CNTN6: variants seen among roughly 807,000 people sequenced by gnomAD.
CNTN6 encodes the protein contactin 6, also known as contactin-6.
A neutral mutation model predicts 122.8 loss-of-function variants in CNTN6; 137 were observed. That is an observed-to-expected ratio of 1.12 (90% CI 0.97 to 1.29). The LOEUF (loss-of-function observed/expected upper bound fraction) is 1.29. CNTN6 is among the 50% of genes most tolerant of loss of function. The pLI is 0.00. For synonymous variants in CNTN6, 570 were observed against 426.0 expected (o/e 1.34, Z -4.16); for missense variants, 1,634 against 1,223.4 (o/e 1.34, Z -5.01).
At chr3:1,364,790 G>A (rs930818165) in intron 12 of CNTN6, among the ~76,000 whole-genome samples, 2 of 151,960 alleles carry the variant, frequency 1.3e-5, no homozygotes, top group African/African-American at 4.8e-5. Context: ...ATTATGAAAT[G>A]TGAATTTCAG....
At chr3:1,264,172 A>C (rs2094890920) in intron 4 of CNTN6, among the ~76,000 whole-genome samples, 1 of 152,140 alleles carries the variant, frequency 6.6e-6, no homozygotes, top group African/African-American at 2.4e-5. Context: ...GGGTTGACTG[A>C]TCATTAATCA....
chr3:1,312,148 C>T (rs1699427814), intron 7 of CNTN6, among the ~76,000 whole-genome samples: 1 of 151,972 alleles, frequency 6.6e-6, no homozygotes, highest in African/African-American at 2.4e-5. Flanking sequence ...CAGGGACCTG[C>T]CCTAAAAGTT....
chr3:1,303,015 C>T (rs1241581069), intron 7 of CNTN6, among the ~76,000 whole-genome samples: 1 of 152,096 alleles, frequency 6.6e-6, no homozygotes, highest in Non-Finnish European at 1.5e-5. Context: ...TACTTCCCCC[C>T]TTAGCTATGT....
intron 7 of CNTN6, among the ~76,000 whole-genome samples, chr3:1,309,097 C>T (rs535569611): frequency 6.6e-6 from 1 of 152,060 alleles, no homozygotes; most frequent in African/African-American, 2.4e-5. Flanking sequence ...TTTGCATTTC[C>T]TTAACAATGT....
At chr3:1,296,096 TG>T (rs1269318621) in intron 6 of CNTN6, among the ~76,000 whole-genome samples, 1 of 152,160 alleles carries the variant, frequency 6.6e-6, no homozygotes, top group African/African-American at 2.4e-5. Flanking sequence ...TCCGGGGAGT[TG>T]GCGTGTGTGT....
At chr3:1,284,746 G>A (rs1021240152) in intron 5 of CNTN6, among the ~76,000 whole-genome samples, 1 of 152,160 alleles carries the variant, frequency 6.6e-6, no homozygotes, top group African/African-American at 2.4e-5. Flanking sequence ...GGTAAAAGAA[G>A]GTTTCACTGC....
chr3:1,387,918 C>A lies in CNTN6; in HGVS notation c.2704+2121C>A, dbSNP rs1038181450. Among the ~76,000 whole-genome samples, 57 of 152,236 alleles carry A rather than the reference C, an allele frequency of 3.7e-4. 1 individual carries two copies. The highest frequency in any genetic ancestry group is 3.4e-3 in the Middle Eastern group (1 of 294). On this transcript the variant is annotated intron_variant, in intron 20 of 22. Transcript: ENST00000446702. Reference sequence around the variant, plus strand: ...CCCGGCTCGGAGGGTCCTACGCCCACGGAATCTCGCTGATTGCTAGCACAG... The same window carrying A: ...CCCGGCTCGGAGGGTCCTACGCCCAAGGAATCTCGCTGATTGCTAGCACAG...
chr3:1,366,452 A>C (rs1187233722), intron 12 of CNTN6, among the ~76,000 whole-genome samples: 2 of 152,234 alleles, frequency 1.3e-5, no homozygotes, highest in Admixed American at 6.5e-5. Flanking sequence ...ACTCTTAGGA[A>C]GTGAGTAGAA....
rs953569354 is a variant in CNTN6 at position 1,384,171 on chromosome 3, T to C, written c.2517+763T>C. On this transcript the variant is annotated intron_variant, in intron 19 of 22. Transcript: ENST00000446702. ...ACTGTGCACACAGAGTCAACAATTA[T>C]GCATTGTACCCTTAAAATTTTTCAA... 4.6e-5 allele frequency among the ~76,000 whole-genome samples: 7 copies of C among 152,212 alleles called. No individual in the cohort carries two copies. In the East Asian group the frequency reaches 7.7e-4, roughly 17 times the overall value.
Position 1,096,045 on chromosome 3 carries a change from G to GT in CNTN6, c.-83+2926dup, listed in dbSNP as rs1691621465. 3.9e-5 allele frequency among the ~76,000 whole-genome samples: 6 copies of GT among 152,270 alleles called. No homozygotes were observed. The South Asian group carries it at 1.2e-3, about 32-fold the overall frequency. On this transcript the variant is annotated intron_variant, in intron 1 of 22. Coordinates refer to ENST00000446702, the MANE Select transcript of CNTN6 (RefSeq NM_001289080.2). ...TTCTATGAGTTTGCATCTTGAACAT[G>GT]TATTTCTTTTGCCTTAGACATGCAA...
At chr3:1,268,551 G>A (rs1447302131) in intron 4 of CNTN6, among the ~76,000 whole-genome samples, 1 of 143,796 alleles carries the variant, frequency 7.0e-6, no homozygotes, top group East Asian at 2.2e-4. Flanking sequence ...AGCTTGCAGT[G>A]AGCCGAGATT....
At chr3:1,094,105 G>A (rs2090389392) in intron 1 of CNTN6, among the ~76,000 whole-genome samples, 1 of 152,220 alleles carries the variant, frequency 6.6e-6, no homozygotes, top group Non-Finnish European at 1.5e-5. Flanking sequence ...TTCTGAAGAT[G>A]TCTGTAAAAG....
intron 14 of CNTN6, 64 bp from the exon 15 acceptor site, chr3:1,373,540 C>T: frequency 6.6e-7 from 1 of 1,508,932 alleles, no homozygotes; most frequent in East Asian, 2.3e-5. Context: ...AATAAACCAT[C>T]CTAGTACCAA....
At chr3:1,395,735 G>A (rs1326843818) in intron 20 of CNTN6, among the ~76,000 whole-genome samples, 1 of 152,082 alleles carries the variant, frequency 6.6e-6, no homozygotes, top group African/African-American at 2.4e-5. Context: ...ATCATGTTTT[G>A]GGGGATCCTT....
At chr3:1,269,561 A>G (rs1186173890) in intron 4 of CNTN6, among the ~76,000 whole-genome samples, 2 of 152,106 alleles carry the variant, frequency 1.3e-5, no homozygotes, top group Admixed American at 1.3e-4. Flanking sequence ...TTGTATATTT[A>G]TTTTTGTCAT....
At chr3:1,353,489 G>A (rs967320394) in intron 12 of CNTN6, among the ~76,000 whole-genome samples, 1 of 151,590 alleles carries the variant, frequency 6.6e-6, no homozygotes, top group African/African-American at 2.4e-5. Flanking sequence ...AAAACTTGGT[G>A]TGTCAAAATC....
chr3:1,223,823 C>T lies in CNTN6; in HGVS notation c.182+3010C>T, dbSNP rs146401322. ...TTAAGTCTAGAGAAGCTCTAGGCCT[C>T]TAAGAAAAAACTATAATAGTAGTGA... On this transcript the variant is annotated intron_variant, in intron 3 of 22. Coordinates refer to ENST00000446702, the MANE Select transcript of CNTN6 (RefSeq NM_001289080.2). 3.1e-3 allele frequency among the ~76,000 whole-genome samples: 473 copies of T among 152,264 alleles called. 1 individual carries two copies. The highest frequency in any genetic ancestry group is 6.8e-3 in the Middle Eastern group (2 of 294).
chr3:1,122,487 A>G (rs1574928272), intron 1 of CNTN6, among the ~76,000 whole-genome samples: 1 of 149,812 alleles, frequency 6.7e-6, no homozygotes, highest in South Asian at 2.1e-4. Context: ...AAAGTGGACA[A>G]TTCGGTTGCA....
chr3:1,392,284 T>G (rs1251611463), intron 20 of CNTN6, among the ~76,000 whole-genome samples: 1 of 152,106 alleles, frequency 6.6e-6, no homozygotes, highest in East Asian at 1.9e-4. Flanking sequence ...TTGACAAACC[T>G]GAGAAAAACA....
Sources: gnomAD v4.1 joint callset for allele counts (sites outside exome capture counted in the v4.1 genomes callset) on GRCh38, gnomAD v4.1.1 for gene constraint, MANE v1.5 for transcripts, NCBI Gene and HGNC (gene_info 2026-07-23, HGNC 2026-07-21) for gene names.